The following MAP3K10 variants were observed in gnomAD, a reference collection of about 807,000 sequenced individuals.
MAP3K10 encodes the protein mitogen-activated protein kinase kinase kinase 10.
Under a neutral mutation model 75.0 loss-of-function variants are expected in MAP3K10, and 22 were observed. The ratio of observed to expected loss-of-function variants is 0.29; its 90% CI spans 0.21 to 0.42. MAP3K10 has a LOEUF of 0.42. Ranked by LOEUF, MAP3K10 falls within the 10% of genes least tolerant of loss-of-function variation. The pLI is 1.00. For synonymous variants in MAP3K10, 599 were observed against 612.9 expected (o/e 0.98, Z 0.34); for missense variants, 1,165 against 1,379.8 (o/e 0.84, Z 2.47).
Position 40,204,569 on chromosome 19 carries a change from T to C in MAP3K10, c.948T>C (p.Ala316=). The C allele has an allele frequency of 1.2e-6, 2 of 1,614,030 alleles. No homozygotes were observed. Among genetic ancestry groups the C allele is most frequent in the Non-Finnish European group, 1.7e-6 (2 of 1,179,972 alleles). ...CCTTGGCCGTGGCGTATGGCGTGGC[T>C]ATGAATAAGCTGACGCTGCCCATTC... The part of the protein sequence containing the change: ...IDALAVAYGV[A]MNKLTLPIPS... The change falls in exon 3 of 10, where the codon GCT becomes GCC. Residue 316 remains alanine, a synonymous_variant. Coordinates refer to ENST00000253055, the MANE Select transcript of MAP3K10 (RefSeq NM_002446.4). This position sits in a 1 kb window ranked among gnomAD's most constrained non-coding sequence, Gnocchi z 4.3.
In MAP3K10 at chr19:40,213,809, CT is replaced by C; in HGVS notation, c.2133del (p.Arg713AlafsTer109). On this transcript the variant is annotated frameshift_variant, in exon 9 of 10. Coordinates refer to ENST00000253055, the MANE Select transcript of MAP3K10 (RefSeq NM_002446.4). LOFTEE classifies it high-confidence loss of function. This position sits in a 1 kb window ranked among gnomAD's most constrained non-coding sequence, Gnocchi z 5.7. ...AGCGGCGCTGGCTCGACGGCCTCTT[CT>C]TTCCCCGCGCCGGCCGCTTCCCGCG... ...EQRRWLDGLF[F>X]PRAGRFPRGL... 2 of 1,290,990 alleles carry C rather than the reference CT, an allele frequency of 1.5e-6. No individual in the cohort carries two copies. Among genetic ancestry groups the C allele is most frequent in the Non-Finnish European group, 9.8e-7 (1 of 1,015,896 alleles). 80.0% of individuals were successfully genotyped at this position (1,290,990 alleles called of 1,614,324 possible).
chr19:40,198,523 C>T lies in MAP3K10; in HGVS notation c.831C>T (p.Leu277=). Residue 277 remains leucine (L), a synonymous_variant, in exon 2 of 10, where the codon CTC becomes CTT. Coordinates refer to ENST00000253055, the MANE Select transcript of MAP3K10 (RefSeq NM_002446.4). The surrounding 1 kb of genome is among the most constrained non-coding windows in gnomAD (Gnocchi z 4.3). ...GGATGGCGCCGGAGGTTATCCGTCTCTCCCTCTTCTCCAAAAGCAGTGATG... is the reference window on the plus strand; with the variant it reads ...GGATGGCGCCGGAGGTTATCCGTCTTTCCCTCTTCTCCAAAAGCAGTGATG... The part of the protein sequence containing the change: ...YAWMAPEVIR[L]SLFSKSSDVW... The T allele has an allele frequency of 6.2e-7, 1 of 1,613,448 alleles. No homozygotes were observed. The highest frequency in any genetic ancestry group is 8.5e-7 in the Non-Finnish European group (1 of 1,179,548).
chr19:40,192,328 G>C lies in MAP3K10; in HGVS notation c.297G>C (p.Gln99His). 1 of 1,611,806 alleles carries C rather than the reference G, an allele frequency of 6.2e-7. No individual in the cohort carries two copies. The highest frequency in any genetic ancestry group is 8.5e-7 in the Non-Finnish European group (1 of 1,179,460). ...AGGAGATCCCCTTCCACGAGCTGCA[G>C]CTAGAGGAGATCATCGGTGTGGGGG... ...LPQEIPFHEL[Q>H]LEEIIGVGGF... The change falls in exon 1 of 10, where the codon CAG (glutamine) becomes CAC (histidine). Residue 99 changes from glutamine (Q) to histidine (H), a missense_variant. Around this residue, in one of 2 missense-constraint regions of MAP3K10, gnomAD observed 575 missense variants for 793.2 expected, o/e 0.72. Coordinates refer to ENST00000253055, the MANE Select transcript of MAP3K10 (RefSeq NM_002446.4). The surrounding 1 kb of genome is among the most constrained non-coding windows in gnomAD (Gnocchi z 7.1).
chr19:40,205,129 G>A lies in MAP3K10; in HGVS notation c.1021G>A (p.Asp341Asn), dbSNP rs2145084940. The A allele has an allele frequency of 6.2e-7, 1 of 1,612,926 alleles. No homozygotes were observed. The highest frequency in any genetic ancestry group is 1.1e-5 in the South Asian group (1 of 91,030). ...TCCTCCTCCCACCCCAGAATGCTGG[G>A]ACCCAGACCCCCACGGGCGGCCAGA... Reference protein sequence around the residue: ...PFARLLEECWDPDPHGRPDFG... With the variant: ...PFARLLEECWNPDPHGRPDFG... The change falls in exon 4 of 10, where the codon GAC becomes AAC. Residue 341 changes from aspartate to asparagine, a missense_variant. Around this residue, in one of 2 missense-constraint regions of MAP3K10, gnomAD observed 575 missense variants for 793.2 expected, o/e 0.72. Coordinates refer to ENST00000253055, the MANE Select transcript of MAP3K10 (RefSeq NM_002446.4). This position sits in a 1 kb window ranked among gnomAD's most constrained non-coding sequence, Gnocchi z 4.3.
At position 40,204,525 on chromosome 19, in the gene MAP3K10, C is replaced by A; in HGVS notation, c.904C>A (p.Pro302Thr). The change falls in exon 3 of 10, where the codon CCC becomes ACC. Residue 302 changes from proline (P) to threonine (T), a missense_variant. Transcript: ENST00000253055. The surrounding 1 kb of genome is among the most constrained non-coding windows in gnomAD (Gnocchi z 4.3). ...GTGGGAGCTGCTGACGGGGGAGGTCCCCTACCGTGAGATCGACGCCTTGGC... is the reference window on the plus strand; with the variant it reads ...GTGGGAGCTGCTGACGGGGGAGGTCACCTACCGTGAGATCGACGCCTTGGC... ...LLWELLTGEV[P>T]YREIDALAVA... 6.2e-7 allele frequency: 1 copy of A among 1,613,926 alleles called. No individual in the cohort carries two copies. Among genetic ancestry groups the A allele is most frequent in the Non-Finnish European group, 8.5e-7 (1 of 1,179,942 alleles).
At chr19:40,206,971 C>T (rs1195962188) in intron 5 of MAP3K10, among the ~76,000 whole-genome samples, 1 of 152,028 alleles carries the variant, frequency 6.6e-6, no homozygotes, top group Non-Finnish European at 1.5e-5. Flanking sequence ...GTGGTGCACA[C>T]GCCTGTAATC....
In MAP3K10 at chr19:40,213,237, G is replaced by C. The variant is rs1466834991; in HGVS notation, c.1837+49G>C. ...GGGGTGGGGGTTCCCTGGCCAAAGG[G>C]GTGAGCCTCCTGGGGCTGAGCGAAG... On this transcript the variant is annotated intron_variant, in intron 8 of 9. Coordinates refer to ENST00000253055, the MANE Select transcript of MAP3K10 (RefSeq NM_002446.4). This position sits in a 1 kb window ranked among gnomAD's most constrained non-coding sequence, Gnocchi z 5.7. The C allele has an allele frequency of 4.6e-6, 7 of 1,511,208 alleles. No homozygotes were observed. The highest frequency in any genetic ancestry group is 6.2e-6 in the Non-Finnish European group (7 of 1,127,166). 93.6% of individuals were successfully genotyped at this position (1,511,208 alleles called of 1,614,324 possible).
At chr19:40,195,950 G>A (rs989116191) in intron 1 of MAP3K10, among the ~76,000 whole-genome samples, 1 of 152,194 alleles carries the variant, frequency 6.6e-6, no homozygotes, top group Admixed American at 6.5e-5. Flanking sequence ...GCCAGGAATG[G>A]CAAAAAGAAA....
rs745770153 is a variant in MAP3K10 at position 40,214,137 on chromosome 19, G to A, written c.2458G>A (p.Ala820Thr). The A allele has an allele frequency of 4.5e-6, 7 of 1,548,990 alleles. No individual in the cohort carries two copies. Among genetic ancestry groups the A allele is most frequent in the Non-Finnish European group, 5.2e-6 (6 of 1,156,772 alleles). The stretch of plus-strand genomic sequence containing the variant: ...GCCCACCCACGTCACGGCTGCATGC[G>A]CTGTGAGCCGCGGGCACCGGCGGAC... ...LTPTHVTAAC[A>T]VSRGHRRTPS... Residue 820 changes from alanine (A) to threonine (T), a missense_variant, in exon 9 of 10, where the codon GCT (alanine) becomes ACT (threonine). By Grantham distance (58) the Ala-to-Thr change is moderately conservative. This residue lies in a region of MAP3K10 where 590 missense variants were observed against 586.6 expected (regional missense o/e 1.01). Transcript: ENST00000253055.
At chr19:40,200,013 G>C (rs577743985) in intron 2 of MAP3K10, among the ~76,000 whole-genome samples, 1 of 151,764 alleles carries the variant, frequency 6.6e-6, no homozygotes, top group East Asian at 1.9e-4. Flanking sequence ...ACAAAAATTC[G>C]GCCAGGCGCG....
Position 40,212,024 on chromosome 19 carries a change from CTGGTATGGA to C in MAP3K10, c.1553-779_1553-771del, listed in dbSNP as rs1169323386. On this transcript the variant is annotated intron_variant, in intron 6 of 9. Transcript: ENST00000253055. The surrounding 1 kb of genome is among the most constrained non-coding windows in gnomAD (Gnocchi z 4.2). ...CCAGGCAAGAGCCACCGCACCTGGC[CTGGTATGGA>C]TTTTCTTTTAACTGCCCTGGGGCAG... Among the ~76,000 whole-genome samples the C allele has an allele frequency of 6.6e-6, 1 of 152,218 alleles. No individual in the cohort carries two copies. Among genetic ancestry groups the C allele is most frequent in the Non-Finnish European group, 1.5e-5 (1 of 68,036 alleles).
Position 40,214,167 on chromosome 19 carries a change from T to A in MAP3K10, c.2488T>A (p.Ser830Thr). ...GAGCCGCGGGCACCGGCGGACGCCA[T>A]CGGACGGGGCGCTGGGGCAGCGGGG... is the stretch of plus-strand genomic sequence containing the variant. ...AVSRGHRRTP[S>T]DGALGQRGPP... is the part of the protein sequence containing the mutation. Residue 830 changes from serine to threonine, a missense_variant, in exon 9 of 10, where the codon TCG becomes ACG. Ser to Thr is a moderately conservative substitution (Grantham distance 58, BLOSUM62 1). Around this residue, in one of 2 missense-constraint regions of MAP3K10, gnomAD observed 590 missense variants for 586.6 expected, o/e 1.01. Transcript: ENST00000253055. 1 of 1,515,678 alleles carries A rather than the reference T, an allele frequency of 6.6e-7. No homozygotes were observed. Among genetic ancestry groups the A allele is most frequent in the Non-Finnish European group, 8.8e-7 (1 of 1,140,216 alleles). 93.9% of individuals were successfully genotyped at this position (1,515,678 alleles called of 1,614,324 possible).
chr19:40,199,067 CA>C (rs1413003332), intron 2 of MAP3K10, among the ~76,000 whole-genome samples: 1 of 151,398 alleles, frequency 6.6e-6, no homozygotes, highest in East Asian at 1.9e-4. Context: ...ACTCTGTCTC[CA>C]AAAAAAGAAA....
At chr19:40,201,102 C>T (rs1168907578) in intron 2 of MAP3K10, among the ~76,000 whole-genome samples, 1 of 152,046 alleles carries the variant, frequency 6.6e-6, no homozygotes, top group Admixed American at 6.6e-5. Flanking sequence ...TGTTTCTCCC[C>T]CACCTTGTAT....
At position 40,204,760 on chromosome 19, in the gene MAP3K10, C is replaced by A; in HGVS notation, c.1012+127C>A. ...GGAGTGAGGAAGAAGGGGCTGGAACCCACTGGACTCTAAACAGCCTCCCCA... is the reference window on the plus strand; with the variant it reads ...GGAGTGAGGAAGAAGGGGCTGGAACACACTGGACTCTAAACAGCCTCCCCA... On this transcript the variant is annotated intron_variant, in intron 3 of 9. Transcript: ENST00000253055. The surrounding 1 kb of genome is among the most constrained non-coding windows in gnomAD (Gnocchi z 4.3). 1 of 1,164,134 alleles carries A rather than the reference C, an allele frequency of 8.6e-7. No individual in the cohort carries two copies. The highest frequency in any genetic ancestry group is 1.2e-6 in the Non-Finnish European group (1 of 847,670). The allele number at this position is 1,164,134 out of a possible 1,614,324, so 72.1% of individuals were successfully genotyped here. A position where few individuals can be genotyped will look rare whatever the true frequency, so the allele number is the denominator to read the frequency against.
At position 40,213,554 on chromosome 19, in the gene MAP3K10, G is replaced by A; in HGVS notation, c.1875G>A (p.Val625=). The change falls in exon 9 of 10, where the codon GTG becomes GTA. Residue 625 remains valine, a synonymous_variant. Coordinates refer to ENST00000253055, the MANE Select transcript of MAP3K10 (RefSeq NM_002446.4). This position sits in a 1 kb window ranked among gnomAD's most constrained non-coding sequence, Gnocchi z 5.7. ...FAEAEDGGSS[V]PPSPYSTPSY... ...AGGCAGAGGATGGAGGCAGCAGCGT[G>A]CCCCCTTCCCCCTACTCGACCCCGT... 1 of 1,611,608 alleles carries A rather than the reference G, an allele frequency of 6.2e-7. No homozygotes were observed. The highest frequency in any genetic ancestry group is 1.1e-5 in the South Asian group (1 of 90,984).
intron 5 of MAP3K10, among the ~76,000 whole-genome samples, chr19:40,206,969 C>T (rs1212927483): frequency 1.3e-5 from 2 of 152,132 alleles, no homozygotes; most frequent in South Asian, 4.1e-4. Flanking sequence ...TGGTGGTGCA[C>T]ACGCCTGTAA....
Position 40,213,826 on chromosome 19 carries a change from G to T in MAP3K10, c.2147G>T (p.Arg716Leu). The change falls in exon 9 of 10, where the codon CGC becomes CTC. Residue 716 changes from arginine to leucine, a missense_variant. By Grantham distance (102) the Arg-to-Leu change is moderately radical. Around this residue, in one of 2 missense-constraint regions of MAP3K10, gnomAD observed 590 missense variants for 586.6 expected, o/e 1.01. Coordinates refer to ENST00000253055, the MANE Select transcript of MAP3K10 (RefSeq NM_002446.4). The surrounding 1 kb of genome is among the most constrained non-coding windows in gnomAD (Gnocchi z 5.7). ...GGCCTCTTCTTTCCCCGCGCCGGCC[G>T]CTTCCCGCGGGGCCTCAGCCCACCC... ...LDGLFFPRAG[R>L]FPRGLSPPAR... 1 of 1,314,604 alleles carries T rather than the reference G, an allele frequency of 7.6e-7. No homozygotes were observed. The highest frequency in any genetic ancestry group is 9.7e-7 in the Non-Finnish European group (1 of 1,030,804). 81.4% of individuals were successfully genotyped at this position (1,314,604 alleles called of 1,614,324 possible). A position where few individuals can be genotyped will look rare whatever the true frequency, so the allele number is the denominator to read the frequency against.
intron 6 of MAP3K10, among the ~76,000 whole-genome samples, chr19:40,209,771 AGAG>A (rs1227252001): frequency 6.6e-6 from 1 of 152,146 alleles, no homozygotes. Context: ...AGGGAATAAA[AGAG>A]GAGATGTATT....
Sources: allele counts gnomAD v4.1 joint callset (sites outside exome capture counted in the v4.1 genomes callset), GRCh38; gene constraint gnomAD v4.1.1; regional missense constraint gnomAD v4.1.1; non-coding constraint Gnocchi (gnomAD v3.1); transcripts MANE v1.5; gene names NCBI Gene and HGNC (gene_info 2026-07-23, HGNC 2026-07-21).